Variants in PGCKA1 observed in about 807,000 individuals in gnomAD.
PGCKA1 encodes the protein PDCD10 and GCKIII kinases associated 1.
the PGCKA1 span, among the ~76,000 whole-genome samples, chr4:37,544,231 T>C: frequency 6.6e-6 from 1 of 152,192 alleles, no homozygotes; most frequent in African/African-American, 2.4e-5. Flanking sequence ...TGTATATCAT[T>C]GAGTTTTTTT....
the PGCKA1 span, among the ~76,000 whole-genome samples, chr4:37,530,173 C>A: frequency 6.6e-6 from 1 of 152,242 alleles, no homozygotes; most frequent in Non-Finnish European, 1.5e-5. Context: ...ACGTAATAGA[C>A]AACCTGTGAT....
At chr4:37,504,387 C>T in the PGCKA1 span, among the ~76,000 whole-genome samples, 22 of 152,006 alleles carry the variant, frequency 1.4e-4, no homozygotes, top group Non-Finnish European at 2.8e-4. Flanking sequence ...TTCTTTTTTG[C>T]TCAGGATAGC....
chr4:37,560,676 C>G, the PGCKA1 span, among the ~76,000 whole-genome samples: 1 of 152,152 alleles, frequency 6.6e-6, no homozygotes, highest in Non-Finnish European at 1.5e-5. Context: ...TTACAGTCTT[C>G]CAGCTTCCCT....
the PGCKA1 span, among the ~76,000 whole-genome samples, chr4:37,456,655 G>A: frequency 6.6e-6 from 1 of 152,234 alleles, no homozygotes; most frequent in African/African-American, 2.4e-5. Context: ...GAGACATCAT[G>A]TGCGTAGACC....
At chr4:37,563,093 C>CAAGCA in the PGCKA1 span, among the ~76,000 whole-genome samples, 1 of 152,078 alleles carries the variant, frequency 6.6e-6, no homozygotes, top group African/African-American at 2.4e-5. Context: ...TTCTTGTCTT[C>CAAGCA]CGACCAGTTC....
the PGCKA1 span, among the ~76,000 whole-genome samples, chr4:37,587,524 T>TC: frequency 6.6e-6 from 1 of 152,182 alleles, no homozygotes; most frequent in Non-Finnish European, 1.5e-5. Flanking sequence ...TGAAGCAGCA[T>TC]CCCTGGAAAT....
the PGCKA1 span, among the ~76,000 whole-genome samples, chr4:37,589,766 G>A: frequency 6.6e-6 from 1 of 152,038 alleles, no homozygotes; most frequent in Admixed American, 6.6e-5. Context: ...CGAGTAGCTG[G>A]GATTACAGGT....
At chr4:37,576,437 G>T in the PGCKA1 span, among the ~76,000 whole-genome samples, 1 of 152,150 alleles carries the variant, frequency 6.6e-6, no homozygotes, top group East Asian at 1.9e-4. Flanking sequence ...TTTGTATCCT[G>T]TGACTTTACT....
the PGCKA1 span, among the ~76,000 whole-genome samples, chr4:37,468,164 A>G: frequency 6.6e-6 from 1 of 152,310 alleles, no homozygotes; most frequent in South Asian, 2.1e-4. Flanking sequence ...ATTTCCCACA[A>G]CTATATTCAA....
the PGCKA1 span, among the ~76,000 whole-genome samples, chr4:37,577,785 T>C: frequency 0.13 from 20,139 of 152,184 alleles, 4,233 homozygotes; most frequent in African/African-American, 0.44. Flanking sequence ...TCAGTTTCCT[T>C]CTGAATCTCT....
chr4:37,476,203 T>C, the PGCKA1 span, among the ~76,000 whole-genome samples: 1 of 152,102 alleles, frequency 6.6e-6, no homozygotes, highest in African/African-American at 2.4e-5. Context: ...AAGGTAAATA[T>C]ATTTAGCACA....
At chr4:37,543,930 C>G in the PGCKA1 span, among the ~76,000 whole-genome samples, 1 of 152,112 alleles carries the variant, frequency 6.6e-6, no homozygotes, top group South Asian at 2.1e-4. Context: ...CTGGGATCTC[C>G]CATCACCATC....
chr4:37,568,859 T>C, the PGCKA1 span, among the ~76,000 whole-genome samples: 2 of 152,206 alleles, frequency 1.3e-5, no homozygotes, highest in African/African-American at 4.8e-5. Context: ...CAAACTCGTT[T>C]TGCAGATAAA....
At chr4:37,492,738 T>C in the PGCKA1 span, among the ~76,000 whole-genome samples, 6 of 152,166 alleles carry the variant, frequency 3.9e-5, no homozygotes, top group Non-Finnish European at 7.4e-5. The surrounding 1 kb of genome is among the most constrained non-coding windows in gnomAD (Gnocchi z 4.7). Flanking sequence ...GTAGAGCAGG[T>C]GTACTTGCCC....
chr4:37,583,418 ATTGT>A, the PGCKA1 span, among the ~76,000 whole-genome samples: 2 of 148,930 alleles, frequency 1.3e-5, no homozygotes, highest in East Asian at 2.0e-4. Flanking sequence ...TTCTTTTTTT[ATTGT>A]TTGTTTGTTT....
chr4:37,460,790 G>A, the PGCKA1 span: 3,124 of 337,434 alleles, frequency 9.3e-3, 20 homozygotes, highest in Non-Finnish European at 0.015. Flanking sequence ...TAGGTTGCCT[G>A]TTCACTCTGA....
chr4:37,515,640 G>C, the PGCKA1 span, among the ~76,000 whole-genome samples: 1 of 152,174 alleles, frequency 6.6e-6, no homozygotes, highest in African/African-American at 2.4e-5. Context: ...GATTACCACT[G>C]AACTGTGTTA....
chr4:37,457,263 G>T, the PGCKA1 span, among the ~76,000 whole-genome samples: 17 of 152,130 alleles, frequency 1.1e-4, no homozygotes, highest in Admixed American at 1.1e-3. Flanking sequence ...CCTGACATTT[G>T]ATTGTTTAAC....
chr4:37,517,862 A>G, the PGCKA1 span, among the ~76,000 whole-genome samples: 1 of 152,108 alleles, frequency 6.6e-6, no homozygotes, highest in Non-Finnish European at 1.5e-5. Flanking sequence ...CATACTTTCT[A>G]ATTTTTTTGT....
Sources: gnomAD v4.1 joint callset for allele counts (sites outside exome capture counted in the v4.1 genomes callset) on GRCh38, gnomAD v4.1.1 for gene constraint, Gnocchi (gnomAD v3.1) non-coding constraint, MANE v1.5 for transcripts, NCBI Gene and HGNC (gene_info 2026-07-23, HGNC 2026-07-21) for gene names.